Variants in PALB2 observed in about 807,000 individuals in gnomAD.
PALB2 encodes mutant partner and localizer of BRCA2.
Under a neutral mutation model 107.4 loss-of-function variants are expected in PALB2, and 82 were observed. The ratio of observed to expected loss-of-function variants is 0.76; its 90% CI spans 0.64 to 0.92. The LOEUF is 0.92. Among genes scored for constraint, PALB2 ranks in the 40% least tolerant of loss-of-function variants. The pLI is 0.00. For synonymous variants in PALB2, 489 were observed against 496.8 expected (o/e 0.98, Z 0.21); for missense variants, 1,374 against 1,379.9 (o/e 1.00, Z 0.07).
intron 8 of PALB2, 56 bp from the exon 9 acceptor site, chr16:23,623,186 A>AAT (rs1966807028): frequency 2.1e-6 from 3 of 1,437,848 alleles, no homozygotes; most frequent in Admixed American, 3.8e-5. Context: ...TTTAATATTA[A>AAT]AGGACTAGGT....
At position 23,635,365 on chromosome 16, in the gene PALB2, T is replaced by A. The variant is rs762430363; in HGVS notation, c.1181A>T (p.His394Leu). ...AAGGCCTTCAGGCACTGTGCAAGAA[T>A]GTTTTTCTGCAGAAAGAGGAGAGGT... ...EATSPLSAEK[H>L]SCTVPEGLLF... The change falls in exon 4 of 13, where the codon CAT (histidine) becomes CTT (leucine). Residue 394 changes from histidine to leucine, a missense_variant. Transcript: ENST00000261584. The A allele has an allele frequency of 1.2e-6, 2 of 1,614,028 alleles. No homozygotes were observed.
In PALB2 at chr16:23,629,273, A is replaced by G. The variant is rs1555460224; in HGVS notation, c.2517T>C (p.Thr839=). ...QELHKHSVEQ[T]ETAELPASDS... is the part of the protein sequence containing the mutation. ...CAGAAGCAGGAAGCTCTGCTGTTTC[A>G]GTCTGTGAAAACAAAAGTCACATCA... Residue 839 remains threonine (T), a splice_region_variant and synonymous_variant, in exon 6 of 13, where the codon ACT becomes ACC. Transcript: ENST00000261584. The G allele has an allele frequency of 6.2e-7, 1 of 1,613,266 alleles. No homozygotes were observed. Among genetic ancestry groups the G allele is most frequent in the Non-Finnish European group, 8.5e-7 (1 of 1,179,758 alleles).
intron 1 of PALB2, 92 bp downstream of exon 1, chr16:23,641,018 G>T: frequency 7.0e-7 from 1 of 1,436,404 alleles, no homozygotes; most frequent in Non-Finnish European, 9.6e-7. Context: ...TGATACTGCT[G>T]CCCTCGGACT....
intron 7 of PALB2, among the ~76,000 whole-genome samples, chr16:23,624,452 T>C (rs773333104): frequency 1.6e-4 from 24 of 152,186 alleles, no homozygotes; most frequent in Non-Finnish European, 3.2e-4. Context: ...CAGTGTTAGA[T>C]GTTGTATATA....
chr16:23,612,589 T>C (rs1443545351), intron 11 of PALB2, among the ~76,000 whole-genome samples: 1 of 147,802 alleles, frequency 6.8e-6, no homozygotes, highest in Non-Finnish European at 1.5e-5. Flanking sequence ...TACAGCAGTG[T>C]GATCATGGCT....
rs369444 is a variant in PALB2, at chr16:23,619,986, G to C, written c.3113+1376C>G. 0.074 allele frequency among the ~76,000 whole-genome samples: 11,283 copies of C among 152,102 alleles called. 485 individuals are homozygous for C. The highest frequency in any genetic ancestry group is 0.18 in the East Asian group (914 of 5,170). On this transcript the variant is annotated intron_variant, in intron 10 of 12. Coordinates refer to ENST00000261584, the MANE Select transcript of PALB2 (RefSeq NM_024675.4). The stretch of plus-strand genomic sequence containing the variant: ...GTAGAGCTGGGGTTTTGCCTTGTTG[G>C]CCAGGCTGGTCTCGAACACTTGGCC...
chr16:23,610,043 AC>A (rs1214906152), intron 11 of PALB2, among the ~76,000 whole-genome samples: 1 of 152,314 alleles, frequency 6.6e-6, no homozygotes, highest in Admixed American at 6.5e-5. Context: ...TGGCTGAAAA[AC>A]ATCAGAAAAA....
intron 1 of PALB2, chr16:23,638,393 A>G (rs931752695): frequency 1.1e-5 from 6 of 533,022 alleles, no homozygotes; most frequent in African/African-American, 9.5e-5. Context: ...TTTCCCTGGG[A>G]TAGACTTCTA....
chr16:23,609,079 G>C (rs1011295128), intron 11 of PALB2, among the ~76,000 whole-genome samples: 1 of 152,102 alleles, frequency 6.6e-6, no homozygotes, highest in African/African-American at 2.4e-5. Flanking sequence ...ACCCACCTCA[G>C]CCTCCCAAAG....
intron 5 of PALB2, 106 bp from the exon 6 acceptor site, chr16:23,629,381 A>C (rs1966854543): frequency 1.8e-6 from 2 of 1,104,048 alleles, no homozygotes; most frequent in Admixed American, 3.5e-5. Context: ...ATTTCCTCTT[A>C]TAACAGCAGC....
intron 1 of PALB2, among the ~76,000 whole-genome samples, chr16:23,640,001 T>C (rs1446436731): frequency 6.6e-6 from 1 of 151,972 alleles, no homozygotes; most frequent in Non-Finnish European, 1.5e-5. Flanking sequence ...TTCTCGTGCA[T>C]CAGCCTCTGA....
At chr16:23,618,121 A>C (rs1222520866) in intron 10 of PALB2, among the ~76,000 whole-genome samples, 1 of 152,078 alleles carries the variant, frequency 6.6e-6, no homozygotes, top group African/African-American at 2.4e-5. Context: ...TAACATACCA[A>C]GTTCTCATCT....
rs75023630 is a variant in PALB2 at position 23,635,054 on chromosome 16, C to T, written c.1492G>A (p.Asp498Asn). Residue 498 changes from aspartate to asparagine, a missense_variant, in exon 4 of 13, where the codon GAC (aspartate) becomes AAC (asparagine). Asp to Asn is a conservative substitution (Grantham distance 23). Transcript: ENST00000261584. ...TGGGCAACTGCCTTCCTAGACAAGT[C>T]ATTATCTTCAGTGGGCCCAGCGGGA... Reference protein sequence around the residue: ...SSPAGPTEDNDLSRKAVAQAP... With the variant: ...SSPAGPTEDNNLSRKAVAQAP... 6.2e-7 allele frequency: 1 copy of T among 1,614,104 alleles called. No homozygotes were observed. The highest frequency in any genetic ancestry group is 8.5e-7 in the Non-Finnish European group (1 of 1,180,024).
chr16:23,634,182 AC>A (rs1218599417), intron 4 of PALB2, among the ~76,000 whole-genome samples: 1 of 152,208 alleles, frequency 6.6e-6, no homozygotes, highest in Non-Finnish European at 1.5e-5. Context: ...GAACTCTGGC[AC>A]CATACCGCCA....
chr16:23,634,373 GAC>G (rs1340609368), intron 4 of PALB2, among the ~76,000 whole-genome samples: 1 of 151,948 alleles, frequency 6.6e-6, no homozygotes, highest in African/African-American at 2.4e-5. Context: ...AGGCAAGCTG[GAC>G]ACAGTGGCTC....
At position 23,623,829 on chromosome 16, in the gene PALB2, T is replaced by C. The variant is rs546681602; in HGVS notation, c.2834+180A>G. 4 of 611,470 alleles carry C rather than the reference T, an allele frequency of 6.5e-6. No individual in the cohort carries two copies. The South Asian group carries it at 7.8e-5, about 12-fold the overall frequency. 37.9% of individuals were successfully genotyped at this position (611,470 alleles called of 1,614,324 possible). On this transcript the variant is annotated intron_variant, in intron 8 of 12. Transcript: ENST00000261584. ...CCACTGCGCCCAGCCTAGGTTCACA[T>C]TTTAAATAGAAACTTCAGTCAGGGA...
At chr16:23,622,217 T>A (rs1347031352) in intron 9 of PALB2, among the ~76,000 whole-genome samples, 1 of 152,182 alleles carries the variant, frequency 6.6e-6, no homozygotes, top group Non-Finnish European at 1.5e-5. Flanking sequence ...GTGTCCCCAA[T>A]ACGTCTAATA....
rs1966454529 is a variant in PALB2 at position 23,605,500 on chromosome 16, C to A, written c.3351-1831G>T. 5.3e-5 allele frequency among the ~76,000 whole-genome samples: 8 copies of A among 152,162 alleles called. 1 individual carries two copies. On this transcript the variant is annotated intron_variant, in intron 12 of 12. Transcript: ENST00000261584. ...CTCAGCTCACTGCAACCTCTGCCTC[C>A]CAGTTTCAAGTGACTCTCCTGTCTC... is the stretch of plus-strand genomic sequence containing the variant.
At chr16:23,624,177 T>A in intron 7 of PALB2, 83 bp from the exon 8 acceptor site, 1 of 864,270 alleles carries the variant, frequency 1.2e-6, no homozygotes, top group Non-Finnish European at 1.9e-6. Flanking sequence ...TATCACATTC[T>A]TTTGTATTCT....
Sources: allele counts gnomAD v4.1 joint callset (sites outside exome capture counted in the v4.1 genomes callset), GRCh38; gene constraint gnomAD v4.1.1; transcripts MANE v1.5; gene names NCBI Gene and HGNC (gene_info 2026-07-23, HGNC 2026-07-21).